The following ANKRD44 variants were observed in gnomAD, a reference collection of about 807,000 sequenced individuals.
ANKRD44 encodes ankyrin repeat domain 44.
In ANKRD44, 35 loss-of-function variants were observed where a neutral mutation model predicts 116.0. The observed-to-expected ratio is 0.30, with a 90% CI of 0.23 to 0.40. The LOEUF (loss-of-function observed/expected upper bound fraction) is 0.40, where lower values mean the gene tolerates loss of function less well. ANKRD44 is among the 10% of genes least tolerant of loss of function. The pLI, the probability that ANKRD44 is intolerant of heterozygous loss-of-function variation, is 1.00. For synonymous variants in ANKRD44, 435 were observed against 461.8 expected, an observed-to-expected ratio of 0.94 and a Z score of 0.74; for missense variants, 1,014 against 1,242.6, an observed-to-expected ratio of 0.82 and a Z score of 2.77.
chr2:197,151,093 T>C (rs1374044494), intron 2 of ANKRD44, among the ~76,000 whole-genome samples: 2 of 146,038 alleles, frequency 1.4e-5, no homozygotes, highest in Non-Finnish European at 3.0e-5. Context: ...TTTTTTTTTT[T>C]AATCCAGGAA....
chr2:197,068,493 C>G (rs935489265), intron 16 of ANKRD44, among the ~76,000 whole-genome samples: 1 of 150,804 alleles, frequency 6.6e-6, no homozygotes, highest in Non-Finnish European at 1.5e-5. Context: ...AGCTTCTGCA[C>G]AGCAAAAGAA....
At chr2:197,147,737 T>C (rs951726281) in intron 2 of ANKRD44, 2 of 309,228 alleles carry the variant, frequency 6.5e-6, no homozygotes, top group Non-Finnish European at 1.3e-5. Context: ...AATAGTATAC[T>C]AGACAATAGT....
intron 8 of ANKRD44, among the ~76,000 whole-genome samples, chr2:197,111,241 T>C (rs1284472578): frequency 3.3e-5 from 5 of 152,174 alleles, no homozygotes; most frequent in African/African-American, 1.2e-4. Context: ...CTTCAAGGTG[T>C]TTTTTTCAAC....
intron 10 of ANKRD44, among the ~76,000 whole-genome samples, chr2:197,094,183 CT>C (rs2125195683): frequency 6.6e-6 from 1 of 152,290 alleles, no homozygotes; most frequent in East Asian, 1.9e-4. Context: ...TGAGCCTTCT[CT>C]TTAGGCCATG....
intron 9 of ANKRD44, among the ~76,000 whole-genome samples, chr2:197,104,353 T>A (rs906896450): frequency 1.3e-5 from 2 of 152,188 alleles, no homozygotes; most frequent in Admixed American, 6.5e-5. Context: ...ACTCCTGACC[T>A]CAAGTGATCT....
At chr2:197,141,605 C>T (rs77507702) in intron 3 of ANKRD44, among the ~76,000 whole-genome samples, 17 of 152,250 alleles carry the variant, frequency 1.1e-4, no homozygotes, top group African/African-American at 4.1e-4. Flanking sequence ...TTCAGAGTCC[C>T]TTGAGAAATT....
chr2:197,222,946 G>T (rs2081618560), intron 1 of ANKRD44, among the ~76,000 whole-genome samples: 1 of 151,840 alleles, frequency 6.6e-6, no homozygotes, highest in African/African-American at 2.4e-5. Context: ...CCAAGTAGCT[G>T]GGATTATAGG....
intron 4 of ANKRD44, among the ~76,000 whole-genome samples, chr2:197,131,105 T>C (rs1320331917): frequency 6.6e-6 from 1 of 152,172 alleles, no homozygotes; most frequent in Non-Finnish European, 1.5e-5. Flanking sequence ...GTATTGCCAA[T>C]AGCATCCGTC....
intron 1 of ANKRD44, among the ~76,000 whole-genome samples, chr2:197,297,499 C>T (rs1574469726): frequency 6.6e-6 from 1 of 152,160 alleles, no homozygotes; most frequent in Non-Finnish European, 1.5e-5. Context: ...CCAAGGACCA[C>T]CTGCTATACA....
At chr2:197,124,032 C>A (rs563769345) in intron 6 of ANKRD44, among the ~76,000 whole-genome samples, 1 of 152,284 alleles carries the variant, frequency 6.6e-6, no homozygotes, top group East Asian at 1.9e-4. Flanking sequence ...ACTTTGCATT[C>A]TTTGAGTCCT....
At chr2:197,180,140 A>T (rs1168642118) in intron 2 of ANKRD44, among the ~76,000 whole-genome samples, 1 of 151,160 alleles carries the variant, frequency 6.6e-6, no homozygotes, top group Non-Finnish European at 1.5e-5. Context: ...TTCCCAGAAC[A>T]CTGGGGCCCT....
At chr2:197,017,912 A>G (rs929092193) in intron 17 of ANKRD44, among the ~76,000 whole-genome samples, 3 of 152,206 alleles carry the variant, frequency 2.0e-5, no homozygotes, top group Non-Finnish European at 4.4e-5. Context: ...CTGCCCTAGT[A>G]CAGGGAAGTG....
rs571434489 is a variant in ANKRD44 at position 197,077,665 on chromosome 2, G to A, written c.1650+1038C>T. 2.6e-5 allele frequency: 4 copies of A among 152,306 alleles called. No individual in the cohort carries two copies. In the East Asian group the frequency reaches 5.8e-4, roughly 22 times the overall value. The allele number at this position is 152,306 out of a possible 1,614,324, so 9.4% of individuals were successfully genotyped here. ...CTAAAACCATTCAGGAAAGTGAGAG[G>A]AGAACTTTCATCCTGTGTTACAAAC... On this transcript the variant is annotated intron_variant, in intron 16 of 27. Transcript: ENST00000282272.
At chr2:197,145,359 C>A (rs2079473147) in intron 3 of ANKRD44, among the ~76,000 whole-genome samples, 1 of 150,984 alleles carries the variant, frequency 6.6e-6, no homozygotes, top group Admixed American at 6.6e-5. Context: ...CTGATGGGGA[C>A]CAATAGATGT....
intron 9 of ANKRD44, among the ~76,000 whole-genome samples, chr2:197,105,230 C>T (rs1220287047): frequency 6.6e-6 from 1 of 152,078 alleles, no homozygotes; most frequent in Non-Finnish European, 1.5e-5. Context: ...TCTCCTGTCT[C>T]ATCCTCCCGA....
Position 196,988,252 on chromosome 2 carries a change from T to C in ANKRD44, c.*1339A>G. The stretch of plus-strand genomic sequence containing the variant: ...CAACTGAGCAAGATTTCCATTCACT[T>C]CTAGAAAAAGACACCGCAGCATATT... On this transcript the variant is annotated 3_prime_UTR_variant, in exon 28 of 28. Transcript: ENST00000282272. 1 of 985,446 alleles carries C rather than the reference T, an allele frequency of 1.0e-6. No individual in the cohort carries two copies. Among genetic ancestry groups the C allele is most frequent in the Non-Finnish European group, 1.2e-6 (1 of 829,926 alleles). 61.0% of individuals were successfully genotyped at this position (985,446 alleles called of 1,614,324 possible).
chr2:197,153,930 A>G lies in ANKRD44; in HGVS notation c.112-6825T>C, dbSNP rs2178200. ...GTTGTTTTTAATTCTTCAAACCACT[A>G]TTAAAAATGGTGTTGCAGTGTACAC... On this transcript the variant is annotated intron_variant, in intron 2 of 27. Transcript: ENST00000282272. 8.9e-3 allele frequency among the ~76,000 whole-genome samples: 1,358 copies of G among 152,290 alleles called. 24 individuals carry two copies. Among genetic ancestry groups the G allele is most frequent in the African/African-American group, 0.031 (1,295 of 41,546 alleles).
chr2:197,015,348 G>T, intron 17 of ANKRD44: 1 of 532,616 alleles, frequency 1.9e-6, no homozygotes, highest in South Asian at 1.7e-5. Context: ...TACAACCACA[G>T]AAGTTATGGA....
chr2:197,029,173 C>T (rs748349542), intron 16 of ANKRD44: 2 of 192,410 alleles, frequency 1.0e-5, no homozygotes, highest in Non-Finnish European at 2.1e-5. Flanking sequence ...TGTTCCCCTT[C>T]CCATGTCCAA....
Sources: gnomAD v4.1 joint callset for allele counts (sites outside exome capture counted in the v4.1 genomes callset) on GRCh38, gnomAD v4.1.1 for gene constraint, MANE v1.5 for transcripts, NCBI Gene and HGNC (gene_info 2026-07-23, HGNC 2026-07-21) for gene names.